Variants in ZBTB7C observed in about 807,000 individuals in gnomAD.
The protein encoded by ZBTB7C is zinc finger and BTB domain-containing protein 7C.
ZBTB7C carries 8 observed loss-of-function variants against 25.7 expected under a neutral mutation model. That is an observed-to-expected ratio of 0.31 (90% CI 0.18 to 0.56). The LOEUF (loss-of-function observed/expected upper bound fraction) is 0.56. ZBTB7C is among the 20% of genes least tolerant of loss of function. ZBTB7C has a pLI of 0.91. For missense variants in ZBTB7C, 824 were observed against 855.2 expected (o/e 0.96, Z 0.46); for synonymous variants, 394 against 369.0 (o/e 1.07, Z -0.78).
At chr18:48,139,708 C>T (rs1191424009) in intron 3 of ZBTB7C, among the ~76,000 whole-genome samples, 1 of 152,106 alleles carries the variant, frequency 6.6e-6, no homozygotes, top group African/African-American at 2.4e-5. Flanking sequence ...CCCCACCACC[C>T]CTCCAGCCTC....
intron 2 of ZBTB7C, among the ~76,000 whole-genome samples, chr18:48,302,201 C>T (rs1049307787): frequency 1.3e-5 from 2 of 152,200 alleles, no homozygotes; most frequent in African/African-American, 4.8e-5. Flanking sequence ...AGGTTCCTCC[C>T]CATTCCCCAG....
At chr18:48,230,010 G>A (rs905164687) in intron 2 of ZBTB7C, among the ~76,000 whole-genome samples, 4 of 152,218 alleles carry the variant, frequency 2.6e-5, no homozygotes, top group African/African-American at 9.6e-5. Flanking sequence ...ACAGGTGGGA[G>A]GGCCTCGAAG....
chr18:48,076,865 A>G (rs1172777335), intron 3 of ZBTB7C: 2 of 906,040 alleles, frequency 2.2e-6, no homozygotes, highest in East Asian at 1.2e-4. Context: ...GCCCTGCCCA[A>G]AGCCCGAACC....
At chr18:48,279,217 C>A (rs778001419) in intron 2 of ZBTB7C, among the ~76,000 whole-genome samples, 58 of 152,268 alleles carry the variant, frequency 3.8e-4, no homozygotes, top group Middle Eastern at 3.4e-3. Flanking sequence ...TCCTGCTCCA[C>A]CATTAAAACG....
intron 2 of ZBTB7C, among the ~76,000 whole-genome samples, chr18:48,302,877 C>T (rs1428476190): frequency 6.6e-6 from 1 of 152,214 alleles, no homozygotes; most frequent in Non-Finnish European, 1.5e-5. Flanking sequence ...AGGAACCAGC[C>T]CCACTTTGCA....
intron 2 of ZBTB7C, among the ~76,000 whole-genome samples, chr18:48,210,149 T>C (rs575176317): frequency 6.6e-6 from 1 of 152,084 alleles, no homozygotes; most frequent in Non-Finnish European, 1.5e-5. Context: ...ATGGCTAGAA[T>C]CAAAAAGTCA....
rs139533423 is a variant in ZBTB7C at position 48,095,828 on chromosome 18, C to G, written c.-16-54705G>C. On this transcript the variant is annotated intron_variant, in intron 3 of 4. Transcript: ENST00000590800. Reference sequence around the variant, plus strand: ...AACCCACGGCTGAGGGACAGATGGCCGTCTCCTACCCTTGATTCCCCTGAG... The same window carrying G: ...AACCCACGGCTGAGGGACAGATGGCGGTCTCCTACCCTTGATTCCCCTGAG... Among the ~76,000 whole-genome samples the G allele has an allele frequency of 2.6e-4, 39 of 152,268 alleles. No homozygotes were observed. In the East Asian group the frequency reaches 7.5e-3, roughly 29 times the overall value.
chr18:48,083,458 C>A (rs905533014), intron 3 of ZBTB7C, among the ~76,000 whole-genome samples: 1 of 152,058 alleles, frequency 6.6e-6, no homozygotes, highest in Non-Finnish European at 1.5e-5. Context: ...CCCCTCCTCA[C>A]CCATCCCACA....
Position 48,118,979 on chromosome 18 carries a change from A to C in ZBTB7C, c.-17+66955T>G, listed in dbSNP as rs555646258. Among the ~76,000 whole-genome samples the C allele has an allele frequency of 5.9e-5, 9 of 152,174 alleles. No homozygotes were observed. The South Asian group carries it at 1.9e-3, about 32-fold the overall frequency. ...TTCTTTTACCTTTATGATTTCCTAAATTTTCTATAATAAATTATTTTATAA... is the reference window on the plus strand; with the variant it reads ...TTCTTTTACCTTTATGATTTCCTAACTTTTCTATAATAAATTATTTTATAA... On this transcript the variant is annotated intron_variant, in intron 3 of 4. Transcript: ENST00000590800.
chr18:48,322,814 G>A (rs1307412733), intron 2 of ZBTB7C, among the ~76,000 whole-genome samples: 1 of 152,168 alleles, frequency 6.6e-6, no homozygotes, highest in Admixed American at 6.5e-5. Flanking sequence ...GTCAATCAAT[G>A]AGTGGATAAA....
At chr18:48,271,882 A>G (rs2044498426) in intron 2 of ZBTB7C, among the ~76,000 whole-genome samples, 1 of 152,224 alleles carries the variant, frequency 6.6e-6, no homozygotes, top group African/African-American at 2.4e-5. Flanking sequence ...GAAAATTTAG[A>G]TGTATTTTCA....
At chr18:48,327,903 C>T (rs919872250) in intron 2 of ZBTB7C, among the ~76,000 whole-genome samples, 2 of 151,806 alleles carry the variant, frequency 1.3e-5, no homozygotes, top group African/African-American at 4.9e-5. Context: ...TATATATAAA[C>T]AGTTTTTTTA....
chr18:48,165,200 A>G (rs2041201051), intron 3 of ZBTB7C: 1 of 1,128,224 alleles, frequency 8.9e-7, no homozygotes, highest in African/African-American at 1.6e-5. Context: ...AAGGTCACAA[A>G]GCAATTTAGA....
At chr18:48,237,459 A>G (rs1235603902) in intron 2 of ZBTB7C, among the ~76,000 whole-genome samples, 1 of 152,180 alleles carries the variant, frequency 6.6e-6, no homozygotes, top group Non-Finnish European at 1.5e-5. Context: ...AAAATCCAAA[A>G]GGCCAATAAA....
At chr18:48,109,232 C>T (rs1449276325) in intron 3 of ZBTB7C, among the ~76,000 whole-genome samples, 1 of 152,178 alleles carries the variant, frequency 6.6e-6, no homozygotes, top group Non-Finnish European at 1.5e-5. Context: ...GCAAGCACTG[C>T]AGACCCTGAG....
intron 2 of ZBTB7C, among the ~76,000 whole-genome samples, chr18:48,208,925 T>C (rs181902727): frequency 7.9e-5 from 12 of 152,370 alleles, no homozygotes; most frequent in Admixed American, 6.5e-5. Context: ...TTTGGATTTG[T>C]TCTCCATCTG....
chr18:48,341,715 G>T (rs117268153), intron 1 of ZBTB7C, among the ~76,000 whole-genome samples: 10 of 152,214 alleles, frequency 6.6e-5, no homozygotes, highest in African/African-American at 2.4e-4. Flanking sequence ...GGATCAGTTG[G>T]TCTAATTCAC....
Position 48,214,571 on chromosome 18 carries a change from T to C in ZBTB7C, c.-78-28576A>G, listed in dbSNP as rs561883367. ...ATGGCCACCCTCATTGCTCATTATATGCTAATTATAATACATCAGCATGCT... is the reference window on the plus strand; with the variant it reads ...ATGGCCACCCTCATTGCTCATTATACGCTAATTATAATACATCAGCATGCT... On this transcript the variant is annotated intron_variant, in intron 2 of 4. Transcript: ENST00000590800. 5.3e-5 allele frequency among the ~76,000 whole-genome samples: 8 copies of C among 152,374 alleles called. No homozygotes were observed. The East Asian group carries it at 7.7e-4, about 15-fold the overall frequency.
intron 1 of ZBTB7C, among the ~76,000 whole-genome samples, chr18:48,370,311 T>A (rs2047357449): frequency 6.6e-6 from 1 of 152,050 alleles, no homozygotes; most frequent in Admixed American, 6.5e-5. Flanking sequence ...TGAAAAAAAA[T>A]CCAATCTGAA....
Sources: allele counts gnomAD v4.1 joint callset (sites outside exome capture counted in the v4.1 genomes callset), GRCh38; gene constraint gnomAD v4.1.1; transcripts MANE v1.5; gene names NCBI Gene and HGNC (gene_info 2026-07-23, HGNC 2026-07-21).